The following PDE4D variants were observed in gnomAD, a reference collection of about 807,000 sequenced individuals.
The protein encoded by PDE4D is 3',5'-cyclic-AMP phosphodiesterase 4D.
A neutral mutation model predicts 87.4 loss-of-function variants in PDE4D; 24 were observed. The ratio of observed to expected loss-of-function variants is 0.27; its 90% CI spans 0.20 to 0.39. The LOEUF is 0.39. Ranked by LOEUF, PDE4D falls within the 10% of genes least tolerant of loss-of-function variation. The probability of loss-of-function intolerance (pLI) is 1.00; values close to 1 mark genes in which losing one functional copy is unlikely to be tolerated. For missense variants in PDE4D, 714 were observed against 1,041.0 expected, an observed-to-expected ratio of 0.69 and a Z score of 4.32; for synonymous variants, 384 against 383.2, an observed-to-expected ratio of 1.00 and a Z score of -0.02.
chr5:59,029,433 A>C (rs1392432600), intron 6 of PDE4D, among the ~76,000 whole-genome samples: 2 of 151,208 alleles, frequency 1.3e-5, no homozygotes, highest in East Asian at 3.9e-4. Flanking sequence ...AAAAAAAAAA[A>C]AAAACTTAGG....
intron 1 of PDE4D, among the ~76,000 whole-genome samples, chr5:59,321,418 G>T (rs1157436445): frequency 6.6e-6 from 1 of 152,044 alleles, no homozygotes; most frequent in Non-Finnish European, 1.5e-5. Context: ...ATATTTAAGG[G>T]TCTCAGCAGA....
At chr5:59,919,948 T>C (rs923727268) in intron 3 of PDE4D, among the ~76,000 whole-genome samples, 4 of 152,224 alleles carry the variant, frequency 2.6e-5, no homozygotes, top group Non-Finnish European at 2.9e-5. Context: ...ATTTCTTCTA[T>C]GTACATGGTA....
At chr5:59,102,607 A>G (rs746779544) in intron 5 of PDE4D, among the ~76,000 whole-genome samples, 6 of 152,190 alleles carry the variant, frequency 3.9e-5, no homozygotes, top group Admixed American at 1.3e-4. Context: ...AATAGCGGTA[A>G]CCCTTCAAAG....
At chr5:59,883,605 A>G (rs1279206391) in intron 1 of PDE4D, among the ~76,000 whole-genome samples, 1 of 152,216 alleles carries the variant, frequency 6.6e-6, no homozygotes, top group Admixed American at 6.5e-5. Context: ...TGCACACACC[A>G]TATCACATAG....
chr5:60,121,896 G>C (rs1778718097), intron 2 of PDE4D, among the ~76,000 whole-genome samples: 1 of 152,190 alleles, frequency 6.6e-6, no homozygotes, highest in Non-Finnish European at 1.5e-5. Context: ...TCAAAAGCAA[G>C]CTAGTTACTT....
At chr5:59,269,506 A>C (rs547088796) in intron 1 of PDE4D, among the ~76,000 whole-genome samples, 1 of 152,238 alleles carries the variant, frequency 6.6e-6, no homozygotes, top group South Asian at 2.1e-4. Context: ...GTTTATCCCA[A>C]TCCATATAGA....
At chr5:60,121,147 A>G (rs1778637698) in intron 2 of PDE4D, among the ~76,000 whole-genome samples, 1 of 151,848 alleles carries the variant, frequency 6.6e-6, no homozygotes, top group African/African-American at 2.4e-5. Context: ...CTATTGTGGG[A>G]CCATGTGATC....
At chr5:60,495,626 C>T (rs924321713) in intron 1 of PDE4D, among the ~76,000 whole-genome samples, 3 of 152,228 alleles carry the variant, frequency 2.0e-5, no homozygotes, top group Admixed American at 2.0e-4. Flanking sequence ...TTCATAGATT[C>T]TACTTAGACT....
chr5:59,882,059 G>A (rs1238857638), intron 1 of PDE4D, among the ~76,000 whole-genome samples: 5 of 152,174 alleles, frequency 3.3e-5, no homozygotes, highest in African/African-American at 1.2e-4. Context: ...CTGTGGGTCT[G>A]TTGATTTATT....
At chr5:59,458,941 A>G (rs923452814) in intron 1 of PDE4D, among the ~76,000 whole-genome samples, 4 of 152,238 alleles carry the variant, frequency 2.6e-5, no homozygotes, top group Admixed American at 2.6e-4. Flanking sequence ...TAGAAAAATT[A>G]ACTACGAAGT....
chr5:60,108,143 T>G (rs1582695732), intron 2 of PDE4D, among the ~76,000 whole-genome samples: 1 of 151,788 alleles, frequency 6.6e-6, no homozygotes, highest in Admixed American at 6.6e-5. Flanking sequence ...CTTAAGCTGA[T>G]AAGCAACTTC....
chr5:59,970,296 G>A (rs892978300), intron 3 of PDE4D, among the ~76,000 whole-genome samples: 1 of 152,058 alleles, frequency 6.6e-6, no homozygotes, highest in Non-Finnish European at 1.5e-5. Flanking sequence ...CACAGGCATG[G>A]GCAAGGACTT....
intron 2 of PDE4D, among the ~76,000 whole-genome samples, chr5:60,162,521 T>C (rs566946481): frequency 6.6e-6 from 1 of 152,230 alleles, no homozygotes; most frequent in Admixed American, 6.5e-5. Flanking sequence ...GGTAGTAATA[T>C]TTGATCTACA....
intron 1 of PDE4D, among the ~76,000 whole-genome samples, chr5:60,513,862 A>AT (rs904014588): frequency 6.6e-6 from 1 of 151,642 alleles, no homozygotes; most frequent in Non-Finnish European, 1.5e-5. Flanking sequence ...AAATGTAAAT[A>AT]TTAAGTGAGA....
chr5:59,033,831 T>C (rs1167554777), intron 6 of PDE4D, among the ~76,000 whole-genome samples: 1 of 152,000 alleles, frequency 6.6e-6, no homozygotes, highest in Non-Finnish European at 1.5e-5. Context: ...AAAATGTAAC[T>C]GAAAAAAAGA....
At chr5:59,026,998 AT>A (rs1458315629) in intron 6 of PDE4D, among the ~76,000 whole-genome samples, 1 of 152,134 alleles carries the variant, frequency 6.6e-6, no homozygotes, top group East Asian at 1.9e-4. Flanking sequence ...TTTTCACGTA[AT>A]TTCCTTTTTT....
intron 1 of PDE4D, among the ~76,000 whole-genome samples, chr5:59,842,558 T>C (rs1304089540): frequency 1.3e-5 from 2 of 152,038 alleles, no homozygotes; most frequent in Non-Finnish European, 2.9e-5. Context: ...CCTAGAAATT[T>C]TACAATAATT....
intron 3 of PDE4D, among the ~76,000 whole-genome samples, chr5:59,932,798 A>G (rs1007879223): frequency 2.6e-5 from 4 of 152,210 alleles, no homozygotes; most frequent in African/African-American, 7.2e-5. Context: ...ATGGAGGGAA[A>G]CATTTCAGAT....
At chr5:59,826,765 G>T (rs903283241) in intron 1 of PDE4D, among the ~76,000 whole-genome samples, 1 of 152,092 alleles carries the variant, frequency 6.6e-6, no homozygotes, top group Non-Finnish European at 1.5e-5. Context: ...AGAAAAGACT[G>T]CTTTTTTAAT....
Sources: allele counts gnomAD v4.1 joint callset (sites outside exome capture counted in the v4.1 genomes callset), GRCh38; gene constraint gnomAD v4.1.1; transcripts MANE v1.5; gene names NCBI Gene and HGNC (gene_info 2026-07-23, HGNC 2026-07-21).